SLC6A18: variants seen among roughly 807,000 people sequenced by gnomAD.
SLC6A18 encodes solute carrier family 6 member 18, also known as inactive sodium-dependent neutral amino acid transporter B(0)AT3.
A neutral mutation model predicts 62.9 loss-of-function variants in SLC6A18; 58 were observed. The observed-to-expected ratio is 0.92, with a 90% CI of 0.75 to 1.15. The LOEUF is 1.15. Ranked by LOEUF, SLC6A18 falls within the 50% of genes most tolerant of loss-of-function variation. The pLI is 0.00. For synonymous variants in SLC6A18, 382 were observed against 365.8 expected (o/e 1.04, Z -0.51); for missense variants, 793 against 836.6 (o/e 0.95, Z 0.64).
intron 4 of SLC6A18, among the ~76,000 whole-genome samples, chr5:1,236,789 C>T (rs1162528970): frequency 2.7e-5 from 4 of 148,700 alleles, no homozygotes; most frequent in African/African-American, 1.0e-4. Context: ...ACGCCAGTGC[C>T]CCATGCCCTG....
At chr5:1,225,881 A>G (rs1057453445) in intron 1 of SLC6A18, among the ~76,000 whole-genome samples, 3 of 152,038 alleles carry the variant, frequency 2.0e-5, no homozygotes, top group Admixed American at 6.6e-5. Context: ...GGGGTCCACT[A>G]TGGTCTTCCG....
intron 6 of SLC6A18, among the ~76,000 whole-genome samples, chr5:1,240,007 A>C (rs1463878035): frequency 2.0e-5 from 3 of 152,240 alleles, no homozygotes; most frequent in Admixed American, 6.5e-5. Flanking sequence ...CGTGGCTGCC[A>C]GTATTTCTGC....
At chr5:1,237,320 A>T (rs7731934) in intron 4 of SLC6A18, among the ~76,000 whole-genome samples, 44,199 of 150,002 alleles carry the variant, frequency 0.29, 6,766 homozygotes, top group Middle Eastern at 0.43. Flanking sequence ...GAGAGGAGTG[A>T]GAGAGGAGTG....
At chr5:1,233,898 G>T (rs551970946) in intron 3 of SLC6A18, among the ~76,000 whole-genome samples, 280 of 152,030 alleles carry the variant, frequency 1.8e-3, no homozygotes, top group Non-Finnish European at 2.3e-3. Context: ...CCTGCCACCA[G>T]GCCTGGCTAA....
At chr5:1,244,897 C>T (rs1427926385) in intron 11 of SLC6A18, 130 bp downstream of exon 11, 2 of 1,143,166 alleles carry the variant, frequency 1.7e-6, no homozygotes, top group Non-Finnish European at 2.4e-6. Context: ...GTGGCGTGGT[C>T]ACTTCTGCCT....
chr5:1,226,479 G>A (rs979226193), intron 1 of SLC6A18, among the ~76,000 whole-genome samples: 22 of 152,194 alleles, frequency 1.4e-4, no homozygotes, highest in South Asian at 4.1e-4. Flanking sequence ...CCTGTTCCCC[G>A]GGCCCTCAGC....
In SLC6A18 at chr5:1,243,551, G is replaced by C. The variant is rs111236460; in HGVS notation, c.1132-4G>C. On this transcript the variant is annotated splice_polypyrimidine_tract_variant and splice_region_variant and intron_variant, in intron 8 of 11. Transcript: ENST00000324642. This position sits in a 1 kb window ranked among gnomAD's most constrained non-coding sequence, Gnocchi z 6.5. ...CCTGAAGCCCGGGGCTCCGTGTATT[G>C]CAGAGTGCCTCGGGCCCGGGCCTGG... The C allele has an allele frequency of 6.2e-7, 1 of 1,612,798 alleles. No individual in the cohort carries two copies. The highest frequency in any genetic ancestry group is 1.7e-5 in the Admixed American group (1 of 59,998).
intron 7 of SLC6A18, 30 bp downstream of exon 7, chr5:1,240,689 G>A: frequency 1.2e-6 from 2 of 1,611,206 alleles, no homozygotes; most frequent in Non-Finnish European, 1.7e-6. Context: ...CTGGCTCTGT[G>A]GGGCACAGCC....
intron 3 of SLC6A18, among the ~76,000 whole-genome samples, chr5:1,233,350 C>T (rs1351391255): frequency 6.6e-6 from 1 of 152,104 alleles, no homozygotes; most frequent in African/African-American, 2.4e-5. Flanking sequence ...TGGTGGCGGG[C>T]ATCTGTAATC....
chr5:1,245,741 C>T (rs1407089130), intron 11 of SLC6A18, 107 bp from the exon 12 acceptor site: 2 of 1,226,298 alleles, frequency 1.6e-6, no homozygotes, highest in Non-Finnish European at 2.2e-6. Flanking sequence ...CATTCCCATC[C>T]AAGTCCGGGT....
intron 3 of SLC6A18, among the ~76,000 whole-genome samples, chr5:1,235,103 A>T (rs950138899): frequency 1.3e-5 from 2 of 152,174 alleles, no homozygotes; most frequent in African/African-American, 4.8e-5. Context: ...AGCCAGCCAC[A>T]CACTTGACAC....
At position 1,244,789 on chromosome 5, in the gene SLC6A18, C is replaced by T. The variant is rs772159877; in HGVS notation, c.1656+22C>T. 3 of 1,579,076 alleles carry T rather than the reference C, an allele frequency of 1.9e-6. No homozygotes were observed. In the South Asian group the frequency reaches 3.4e-5, roughly 18 times the overall value. ...ATACGTAGGTCCTTCCGGTGGGAAC[C>T]TGGGAAGTCCTGGGACCCCTCGGGC... On this transcript the variant is annotated intron_variant, in intron 11 of 11. Transcript: ENST00000324642.
intron 2 of SLC6A18, 134 bp from the exon 3 acceptor site, chr5:1,232,617 G>T: frequency 7.6e-7 from 1 of 1,309,562 alleles, no homozygotes. Context: ...TGAGGTGTGA[G>T]GGAGGCCTGG....
intron 4 of SLC6A18, among the ~76,000 whole-genome samples, chr5:1,237,321 G>C (rs1746909876): frequency 6.6e-6 from 1 of 151,638 alleles, no homozygotes; most frequent in South Asian, 2.1e-4. Flanking sequence ...AGAGGAGTGA[G>C]AGAGGAGTGT....
intron 1 of SLC6A18, among the ~76,000 whole-genome samples, chr5:1,227,609 A>T (rs926831947): frequency 6.6e-6 from 1 of 152,248 alleles, no homozygotes; most frequent in Admixed American, 6.5e-5. Context: ...ACTCATGACT[A>T]CCAAAGGCGA....
At chr5:1,234,221 C>T (rs1286038050) in intron 3 of SLC6A18, among the ~76,000 whole-genome samples, 1 of 152,232 alleles carries the variant, frequency 6.6e-6, no homozygotes, top group African/African-American at 2.4e-5. Context: ...TAGGAAGCAA[C>T]TCTGACTTTC....
chr5:1,232,169 C>A (rs769282738), intron 1 of SLC6A18, 50 bp from the exon 2 acceptor site: 15 of 1,511,038 alleles, frequency 9.9e-6, no homozygotes, highest in Non-Finnish European at 1.3e-5. Flanking sequence ...ACGCCACAGT[C>A]CCCCCCAGCC....
intron 4 of SLC6A18, among the ~76,000 whole-genome samples, chr5:1,236,510 A>C (rs953055133): frequency 1.3e-5 from 2 of 152,232 alleles, no homozygotes; most frequent in Non-Finnish European, 2.9e-5. Flanking sequence ...TTCCATTGGG[A>C]GCAGCAGAAA....
rs1425252747 is a variant in SLC6A18, at chr5:1,246,056, G to A, written c.1865G>A (p.Arg622His). Reference protein sequence around the residue: ...DTDTRPDTDMRPDTDMR With the variant: ...DTDTRPDTDMHPDTDMR Reference sequence around the variant, plus strand: ...GACACGCGCCCAGACACGGACATGCGCCCGGACACGGACATGCGCTGAAGC... The same window carrying A: ...GACACGCGCCCAGACACGGACATGCACCCGGACACGGACATGCGCTGAAGC... The change falls in exon 12 of 12, where the codon CGC (arginine) becomes CAC (histidine). Residue 622 changes from arginine to histidine, a missense_variant. Physicochemically the swap from Arg to His is conservative, Grantham distance 29. Coordinates refer to ENST00000324642, the MANE Select transcript of SLC6A18 (RefSeq NM_182632.3). 5.0e-6 allele frequency: 8 copies of A among 1,586,712 alleles called. No individual in the cohort carries two copies. The highest frequency in any genetic ancestry group is 4.6e-5 in the East Asian group (2 of 43,902).
Sources: gnomAD v4.1 joint callset for allele counts (sites outside exome capture counted in the v4.1 genomes callset) on GRCh38, gnomAD v4.1.1 for gene constraint, Gnocchi (gnomAD v3.1) non-coding constraint, MANE v1.5 for transcripts, NCBI Gene and HGNC (gene_info 2026-07-23, HGNC 2026-07-21) for gene names.